The following BSND variants were observed in gnomAD, a reference collection of about 807,000 sequenced individuals.
BSND encodes the protein barttin.
A neutral mutation model predicts 18.8 loss-of-function variants in BSND; 13 were observed. The observed-to-expected ratio is 0.69, with a 90% CI of 0.45 to 1.10. The LOEUF (loss-of-function observed/expected upper bound fraction) is 1.10, where lower values mean the gene tolerates loss of function less well. BSND is among the 50% of genes least tolerant of loss of function. BSND has a pLI of 0.00. For synonymous variants in BSND, 170 were observed against 161.8 expected (o/e 1.05, Z -0.39); for missense variants, 379 against 416.7 (o/e 0.91, Z 0.79).
rs566488503 is a variant in BSND at position 55,013,115 on chromosome 1, T to A, written c.*4487T>A. 2.0e-5 allele frequency among the ~76,000 whole-genome samples: 3 copies of A among 152,232 alleles called. No individual in the cohort carries two copies. The highest frequency in any genetic ancestry group is 4.4e-5 in the Non-Finnish European group (3 of 68,046). On this transcript the variant is annotated 3_prime_UTR_variant, in exon 4 of 4. Transcript: ENST00000651561. Reference sequence around the variant, plus strand: ...GCTGTGCACACTTTTCTTCATTTCATCCTCGCAGCTTGCAAGGTTGGTGTA... The same window carrying A: ...GCTGTGCACACTTTTCTTCATTTCAACCTCGCAGCTTGCAAGGTTGGTGTA...
At position 55,006,987 on chromosome 1, in the gene BSND, C is replaced by CT; in HGVS notation, c.273-10_273-9insT. ...TCTTTGCCGCCTGCCTGTTCTCTCT[C>CT]CCACTCCAGCCCCAGTCCCCAGCCG... On this transcript the variant is annotated splice_polypyrimidine_tract_variant and intron_variant, in intron 2 of 3. Coordinates refer to ENST00000651561, the MANE Select transcript of BSND (RefSeq NM_057176.3). 4 of 1,613,904 alleles carry CT rather than the reference C, an allele frequency of 2.5e-6. No individual in the cohort carries two copies. The highest frequency in any genetic ancestry group is 3.4e-6 in the Non-Finnish European group (4 of 1,180,016).
Position 55,015,055 on chromosome 1 carries a change from G to A in BSND, c.*6427G>A, listed in dbSNP as rs1644442911. On this transcript the variant is annotated 3_prime_UTR_variant, in exon 4 of 4. Transcript: ENST00000651561. ...TCTTGAATTCCTGCCACGGAGCTCAGATTTGTTCTGATGGGCAAGGGGGAT... is the reference window on the plus strand; with the variant it reads ...TCTTGAATTCCTGCCACGGAGCTCAAATTTGTTCTGATGGGCAAGGGGGAT... Among the ~76,000 whole-genome samples, 1 of 152,196 alleles carries A rather than the reference G, an allele frequency of 6.6e-6. No homozygotes were observed. Among genetic ancestry groups the A allele is most frequent in the African/African-American group, 2.4e-5 (1 of 41,454 alleles).
Position 55,016,011 on chromosome 1 carries a change from G to A in BSND, c.*7383G>A, listed in dbSNP as rs543913584. On this transcript the variant is annotated 3_prime_UTR_variant, in exon 4 of 4. Transcript: ENST00000651561. ...TGTGAACTGAGCTTAGAATAGGAGC[G>A]GAGGGTGGCTGGAGAAGACGTGGGT... Among the ~76,000 whole-genome samples the A allele has an allele frequency of 3.4e-4, 52 of 152,330 alleles. No homozygotes were observed. Among genetic ancestry groups the A allele is most frequent in the Non-Finnish European group, 6.9e-4 (47 of 68,044 alleles).
At chr1:55,006,867 C>T in intron 2 of BSND, 130 bp from the exon 3 acceptor site, 1 of 1,349,022 alleles carries the variant, frequency 7.4e-7, no homozygotes, top group South Asian at 1.2e-5. Flanking sequence ...GAAACGGGCG[C>T]AGTAACATCC....
intron 3 of BSND, among the ~76,000 whole-genome samples, chr1:55,007,659 G>A (rs1252431914): frequency 2.6e-5 from 4 of 152,140 alleles, no homozygotes. Context: ...AGGAGCCAGA[G>A]GACCCGAGTT....
Position 55,005,081 on chromosome 1 carries a change from C to T in BSND, c.237C>T (p.Gly79=), listed in dbSNP as rs528075528. The part of the protein sequence containing the change: ...FQGILSPKAM[G]LLENGLAAEM... ...GCATCCTCTCCCCAAAGGCCATGGG[C>T]CTGCTGGAGAATGGGCTTGCTGCCG... Residue 79 remains glycine, a synonymous_variant, in exon 2 of 4, where the codon GGC becomes GGT. Coordinates refer to ENST00000651561, the MANE Select transcript of BSND (RefSeq NM_057176.3). 2.2e-5 allele frequency: 35 copies of T among 1,614,206 alleles called. No individual in the cohort carries two copies. In the East Asian group the frequency reaches 7.6e-4, roughly 35 times the overall value.
At position 55,014,274 on chromosome 1, in the gene BSND, A is replaced by G. The variant is rs561785121; in HGVS notation, c.*5646A>G. ...GACTCCTAGCCCAGGGCTGAGGAGC[A>G]CCAGCTTTGGAGTAAACAGCGCTGG... On this transcript the variant is annotated 3_prime_UTR_variant, in exon 4 of 4. Coordinates refer to ENST00000651561, the MANE Select transcript of BSND (RefSeq NM_057176.3). Among the ~76,000 whole-genome samples, 10 of 152,328 alleles carry G rather than the reference A, an allele frequency of 6.6e-5. No individual in the cohort carries two copies. The South Asian group carries it at 2.1e-3, about 32-fold the overall frequency.
In BSND at chr1:55,012,692, G is replaced by A. The variant is rs770797728; in HGVS notation, c.*4064G>A. ...TGAGTGCATTCACCAGGAGGAAGAT[G>A]CATGTAAAAGCTTCTTGCAAGGGGT... On this transcript the variant is annotated 3_prime_UTR_variant, in exon 4 of 4. Transcript: ENST00000651561. Among the ~76,000 whole-genome samples, 1 of 152,194 alleles carries A rather than the reference G, an allele frequency of 6.6e-6. No homozygotes were observed. The highest frequency in any genetic ancestry group is 1.5e-5 in the Non-Finnish European group (1 of 68,042).
chr1:54,999,645 C>A (rs1644351580), intron 1 of BSND, among the ~76,000 whole-genome samples: 2 of 152,188 alleles, frequency 1.3e-5, no homozygotes, highest in South Asian at 4.1e-4. Flanking sequence ...ACACAACACA[C>A]CATGTGCTTG....
chr1:55,016,953 T>C lies in BSND; in HGVS notation c.*8325T>C, dbSNP rs1201505862. On this transcript the variant is annotated 3_prime_UTR_variant, in exon 4 of 4. Coordinates refer to ENST00000651561, the MANE Select transcript of BSND (RefSeq NM_057176.3). ...ACCCTCCTGATTGAATCAAATCCCC[T>C]ATCACCACTCTCACAGCACCACAGA... 6.6e-6 allele frequency among the ~76,000 whole-genome samples: 1 copy of C among 152,210 alleles called. No homozygotes were observed. The highest frequency in any genetic ancestry group is 1.5e-5 in the Non-Finnish European group (1 of 68,040).
chr1:55,008,298 C>T lies in BSND; in HGVS notation c.633C>T (p.Pro211=). ...TGGACTCCAGTGAAGGCAGCAGCCC[C>T]AATGCATCTCCACATGACAGGGAGG... ...LDMDSSEGSS[P]NASPHDREEA... is the part of the protein sequence containing the mutation. Residue 211 remains proline, a synonymous_variant, in exon 4 of 4, where the codon CCC becomes CCT. Coordinates refer to ENST00000651561, the MANE Select transcript of BSND (RefSeq NM_057176.3). The T allele has an allele frequency of 6.2e-7, 1 of 1,614,242 alleles. No individual in the cohort carries two copies. The highest frequency in any genetic ancestry group is 2.2e-5 in the East Asian group (1 of 44,880).
Position 55,015,551 on chromosome 1 carries a change from G to A in BSND, c.*6923G>A, listed in dbSNP as rs763478730. On this transcript the variant is annotated 3_prime_UTR_variant, in exon 4 of 4. Transcript: ENST00000651561. ...AGCAGACACGGTGTGGTGGGTAGGT[G>A]GATGAGACCAGGCTTTGGGGATCAG... Among the ~76,000 whole-genome samples the A allele has an allele frequency of 1.7e-4, 26 of 152,248 alleles. 1 individual carries two copies. Among genetic ancestry groups the A allele is most frequent in the Non-Finnish European group, 2.9e-5 (2 of 68,048 alleles).
rs1274556553 is a variant in BSND at position 55,015,421 on chromosome 1, C to G, written c.*6793C>G. On this transcript the variant is annotated 3_prime_UTR_variant, in exon 4 of 4. Coordinates refer to ENST00000651561, the MANE Select transcript of BSND (RefSeq NM_057176.3). ...AGGCAGTGCTCAGTTCACAGATGAC[C>G]CAGGACAAGGGCAAATGAGGGCCCC... Among the ~76,000 whole-genome samples, 1 of 152,116 alleles carries G rather than the reference C, an allele frequency of 6.6e-6. No individual in the cohort carries two copies. The highest frequency in any genetic ancestry group is 6.5e-5 in the Admixed American group (1 of 15,274).
At position 55,008,965 on chromosome 1, in the gene BSND, T is replaced by A; in HGVS notation, c.*337T>A. ...GGTGCTCCCTCTGGGCCCCTGATCC[T>A]TTGTGAAGGCCAGTCAGGTTTCCCA... On this transcript the variant is annotated 3_prime_UTR_variant, in exon 4 of 4. Transcript: ENST00000651561. The A allele has an allele frequency of 2.5e-6, 1 of 404,418 alleles. No homozygotes were observed. Among genetic ancestry groups the A allele is most frequent in the Non-Finnish European group, 4.6e-6 (1 of 215,174 alleles). The allele number at this position is 404,418 out of a possible 1,614,324, so 25.1% of individuals were successfully genotyped here. A position where few individuals can be genotyped will look rare whatever the true frequency, so the allele number is the denominator to read the frequency against.
chr1:55,008,141 C>A, intron 3 of BSND, 73 bp from the exon 4 acceptor site: 2 of 1,334,162 alleles, frequency 1.5e-6, no homozygotes, highest in Non-Finnish European at 2.1e-6. Flanking sequence ...GGTCTTGCAG[C>A]TAGCGGCTGG....
At position 55,015,692 on chromosome 1, in the gene BSND, C is replaced by G. The variant is rs1644446423; in HGVS notation, c.*7064C>G. Among the ~76,000 whole-genome samples the G allele has an allele frequency of 6.6e-6, 1 of 152,194 alleles. No individual in the cohort carries two copies. The highest frequency in any genetic ancestry group is 1.5e-5 in the Non-Finnish European group (1 of 68,034). Reference sequence around the variant, plus strand: ...ACTATGCACCTGCTTTGTGCCACCCCCTGTGCTAGGTACTGGGGGAAGAGA... The same window carrying G: ...ACTATGCACCTGCTTTGTGCCACCCGCTGTGCTAGGTACTGGGGGAAGAGA... On this transcript the variant is annotated 3_prime_UTR_variant, in exon 4 of 4. Coordinates refer to ENST00000651561, the MANE Select transcript of BSND (RefSeq NM_057176.3).
In BSND at chr1:55,011,570, G is replaced by C. The variant is rs892444593; in HGVS notation, c.*2942G>C. Reference sequence around the variant, plus strand: ...AAGCTGGGTTTCTTCTTGCAGTAAGGGGGAATGAACACCACAGCGAACCAG... The same window carrying C: ...AAGCTGGGTTTCTTCTTGCAGTAAGCGGGAATGAACACCACAGCGAACCAG... On this transcript the variant is annotated 3_prime_UTR_variant, in exon 4 of 4. Coordinates refer to ENST00000651561, the MANE Select transcript of BSND (RefSeq NM_057176.3). The C allele has an allele frequency of 9.9e-5, 15 of 152,212 alleles. No homozygotes were observed. Among genetic ancestry groups the C allele is most frequent in the African/African-American group, 3.6e-4 (15 of 41,420 alleles). 9.4% of individuals were successfully genotyped at this position (152,212 alleles called of 1,614,324 possible).
At position 55,008,438 on chromosome 1, in the gene BSND, A is replaced by G; in HGVS notation, c.773A>G (p.Gln258Arg). Reference protein sequence around the residue: ...TLEDEPQEGQQWEIALPNNWQ... With the variant: ...TLEDEPQEGQRWEIALPNNWQ... ...GAGGATGAGCCCCAAGAGGGGCAGC[A>G]GTGGGAAATAGCCCTGCCCAACAAC... The change falls in exon 4 of 4, where the codon CAG becomes CGG. Residue 258 changes from glutamine to arginine, a missense_variant. Gln to Arg is a conservative substitution (Grantham distance 43, BLOSUM62 1). Coordinates refer to ENST00000651561, the MANE Select transcript of BSND (RefSeq NM_057176.3). 6.2e-7 allele frequency: 1 copy of G among 1,614,214 alleles called. No individual in the cohort carries two copies. Among genetic ancestry groups the G allele is most frequent in the African/African-American group, 1.3e-5 (1 of 75,078 alleles).
In BSND at chr1:55,014,811, A is replaced by G. The variant is rs1644441717; in HGVS notation, c.*6183A>G. Among the ~76,000 whole-genome samples the G allele has an allele frequency of 6.6e-6, 1 of 152,198 alleles. No homozygotes were observed. The highest frequency in any genetic ancestry group is 2.4e-5 in the African/African-American group (1 of 41,452). On this transcript the variant is annotated 3_prime_UTR_variant, in exon 4 of 4. Transcript: ENST00000651561. ...GGGCTTAGTTGTTTGTTTTTCTTAA[A>G]TGAGTTATCAAACATTGGATAGCTG... is the stretch of plus-strand genomic sequence containing the variant.
Sources: gnomAD v4.1 joint callset for allele counts (sites outside exome capture counted in the v4.1 genomes callset) on GRCh38, gnomAD v4.1.1 for gene constraint, MANE v1.5 for transcripts, NCBI Gene and HGNC (gene_info 2026-07-23, HGNC 2026-07-21) for gene names.